BBOF1: variants seen among roughly 807,000 people sequenced by gnomAD.
BBOF1 encodes the protein basal body-orientation factor 1.
A neutral mutation model predicts 68.0 loss-of-function variants in BBOF1; 62 were observed. The observed-to-expected ratio is 0.91, with a 90% CI of 0.74 to 1.13. BBOF1 has a LOEUF of 1.13. Ranked by LOEUF, BBOF1 falls within the 50% of genes most tolerant of loss-of-function variation. The probability of loss-of-function intolerance (pLI) is 0.00; values close to 1 mark genes in which losing one functional copy is unlikely to be tolerated. For missense variants in BBOF1, 534 were observed against 600.1 expected, an observed-to-expected ratio of 0.89 and a Z score of 1.15; for synonymous variants, 208 against 198.8, an observed-to-expected ratio of 1.05 and a Z score of -0.39.
At position 74,034,067 on chromosome 14, in the gene BBOF1, C is replaced by G; in HGVS notation, c.391C>G (p.Gln131Glu). 1 of 1,607,726 alleles carries G rather than the reference C, an allele frequency of 6.2e-7. No individual in the cohort carries two copies. Among genetic ancestry groups the G allele is most frequent in the East Asian group, 2.3e-5 (1 of 44,298 alleles). The part of the protein sequence containing the change: ...YTRQINELEG[Q>E]FHQKAKEIGM... ...CAGGCAAATTAATGAACTAGAGGGACAGTTCCATCAAAAAGCCAAAGAAAT... is the reference window on the plus strand; with the variant it reads ...CAGGCAAATTAATGAACTAGAGGGAGAGTTCCATCAAAAAGCCAAAGAAAT... The change falls in exon 4 of 12, where the codon CAG (glutamine) becomes GAG (glutamate). Residue 131 changes from glutamine (Q) to glutamate (E), a missense_variant. Transcript: ENST00000394009.
intron 9 of BBOF1, among the ~76,000 whole-genome samples, chr14:74,073,712 T>G (rs1029676257): frequency 4.6e-5 from 7 of 151,624 alleles, no homozygotes; most frequent in Non-Finnish European, 1.0e-4. Context: ...AAGTCAGGAG[T>G]TCTAGACCAA....
rs113890148 is a variant in BBOF1, at chr14:74,027,449, T to C, written c.286-1735T>C. On this transcript the variant is annotated intron_variant, in intron 2 of 11. Coordinates refer to ENST00000394009, the MANE Select transcript of BBOF1 (RefSeq NM_025057.3). ...CAATTAATAAATTTCCAAGGAGTGA[T>C]GGAGTTAGAAAAATCACCATTTGGC... Among the ~76,000 whole-genome samples the C allele has an allele frequency of 6.9e-3, 980 of 141,906 alleles. 8 individuals are homozygous for C. Among genetic ancestry groups the C allele is most frequent in the African/African-American group, 0.023 (856 of 37,536 alleles). The allele number at this position is 141,906 out of a possible 152,430, so 93.1% of individuals were successfully genotyped here.
Position 74,043,551 on chromosome 14 carries a change from C to T in BBOF1, c.577-2509C>T, listed in dbSNP as rs1376915967. 8.2e-3 allele frequency among the ~76,000 whole-genome samples: 906 copies of T among 109,910 alleles called. 6 individuals carry two copies. Among genetic ancestry groups the T allele is most frequent in the African/African-American group, 0.028 (781 of 28,346 alleles). 72.1% of individuals were successfully genotyped at this position (109,910 alleles called of 152,430 possible). A position where few individuals can be genotyped will look rare whatever the true frequency, so the allele number is the denominator to read the frequency against. On this transcript the variant is annotated intron_variant, in intron 5 of 11. Coordinates refer to ENST00000394009, the MANE Select transcript of BBOF1 (RefSeq NM_025057.3). The stretch of plus-strand genomic sequence containing the variant: ...CGGCCTGGGCAACAGAGCGAGACTC[C>T]GTCTCAAAAAAAAAAAAAAAAAAAA...
In BBOF1 at chr14:74,050,117, A is replaced by T. The variant is rs1252158829; in HGVS notation, c.1208A>T (p.Tyr403Phe). ...GCAGCATGTACAGGAAGAACAGAAT[A>T]TCCCAAAATCAGAACATTTGATGGC... ...MRAACTGRTE[Y>F]PKIRTFDGRE... Residue 403 changes from tyrosine (Y) to phenylalanine (F), a missense_variant, in exon 8 of 12, where the codon TAT (tyrosine) becomes TTT (phenylalanine). Coordinates refer to ENST00000394009, the MANE Select transcript of BBOF1 (RefSeq NM_025057.3). The T allele has an allele frequency of 2.5e-6, 4 of 1,610,058 alleles. No individual in the cohort carries two copies. Among genetic ancestry groups the T allele is most frequent in the Non-Finnish European group, 3.4e-6 (4 of 1,177,568 alleles).
Position 74,055,592 on chromosome 14 carries a change from T to C in BBOF1, c.1295T>C (p.Ile432Thr). 1.2e-6 allele frequency: 2 copies of C among 1,611,654 alleles called. No homozygotes were observed. The highest frequency in any genetic ancestry group is 1.7e-6 in the Non-Finnish European group (2 of 1,178,160). The change falls in exon 9 of 12, where the codon ATT (isoleucine) becomes ACT (threonine). Residue 432 changes from isoleucine (I) to threonine (T), a missense_variant. Transcript: ENST00000394009. ...DLLEAEKWTH[I>T]EGNVDIGDLT... is the part of the protein sequence containing the mutation. ...CCTTTGAAATTCTTTAGGACACATATTGAAGGAAATGTGGATATTGGAGAT... is the reference window on the plus strand; with the variant it reads ...CCTTTGAAATTCTTTAGGACACATACTGAAGGAAATGTGGATATTGGAGAT...
At chr14:74,059,272 G>A (rs536188704) in intron 11 of BBOF1, 1 of 395,100 alleles carries the variant, frequency 2.5e-6, no homozygotes, top group Admixed American at 3.0e-5. Context: ...CAAGAGAAAA[G>A]AATATATAAA....
rs539420052 is a variant in BBOF1 at position 74,076,919 on chromosome 14, A to C, written n.1380-1277A>C. Among the ~76,000 whole-genome samples, 3 of 152,294 alleles carry C rather than the reference A, an allele frequency of 2.0e-5. No individual in the cohort carries two copies. In the South Asian group the frequency reaches 6.2e-4, roughly 32 times the overall value. On this transcript the variant is annotated intron_variant and non_coding_transcript_variant, in intron 9 of 12. Coordinates refer to the BBOF1 transcript ENST00000492026. ...TCAAAATGAGCAAACTAAAATACTC[A>C]GGACTGGGATATAAAGGAAAGCTGC...
In BBOF1 at chr14:74,034,318, G is replaced by A. The variant is rs947029978; in HGVS notation, c.495+147G>A. The stretch of plus-strand genomic sequence containing the variant: ...TATTTGAGAGAAAAAGGAGAAGACA[G>A]ACTGGATGCCAAAGGTCTTGACTTT... On this transcript the variant is annotated intron_variant, in intron 4 of 11. Transcript: ENST00000394009. 8 of 547,326 alleles carry A rather than the reference G, an allele frequency of 1.5e-5. No individual in the cohort carries two copies. The South Asian group carries it at 2.2e-4, about 15-fold the overall frequency. 33.9% of individuals were successfully genotyped at this position (547,326 alleles called of 1,614,324 possible).
downstream of BBOF1, chr14:74,067,366 A>C: frequency 6.2e-7 from 1 of 1,612,480 alleles, no homozygotes; most frequent in Non-Finnish European, 8.5e-7. Context: ...GGGGCAAGTC[A>C]GGTGATTGAT....
At chr14:74,038,628 T>C (rs1373283119) in intron 4 of BBOF1, among the ~76,000 whole-genome samples, 1 of 152,222 alleles carries the variant, frequency 6.6e-6, no homozygotes, top group African/African-American at 2.4e-5. Flanking sequence ...TTATACTGTG[T>C]ATGTAGAATT....
At chr14:74,074,415 T>C (rs1194729356) in intron 9 of BBOF1, among the ~76,000 whole-genome samples, 4 of 151,104 alleles carry the variant, frequency 2.6e-5, no homozygotes, top group Non-Finnish European at 5.9e-5. Context: ...GCCCGCAGAG[T>C]AGCTGGGACT....
intron 11 of BBOF1, chr14:74,057,504 G>A: frequency 7.2e-7 from 1 of 1,387,208 alleles, no homozygotes; most frequent in Non-Finnish European, 9.4e-7. Context: ...GCCTTTTGAA[G>A]TAAACAGCCT....
chr14:74,023,944 GAAA>G (rs2059365327), intron 2 of BBOF1, among the ~76,000 whole-genome samples: 1 of 139,462 alleles, frequency 7.2e-6, no homozygotes, highest in Non-Finnish European at 1.6e-5. Context: ...AAAAAAAAAA[GAAA>G]AGAAAAGAAA....
chr14:74,074,196 C>T (rs1282744136), intron 9 of BBOF1, among the ~76,000 whole-genome samples: 1 of 151,784 alleles, frequency 6.6e-6, no homozygotes, highest in Non-Finnish European at 1.5e-5. Context: ...AGGCTGGTCT[C>T]GAACTTTTGA....
chr14:74,065,907 G>A lies in BBOF1; in HGVS notation c.*1208G>A, dbSNP rs764050720. 4.4e-5 allele frequency: 7 copies of A among 160,694 alleles called. No homozygotes were observed. The highest frequency in any genetic ancestry group is 1.8e-4 in the East Asian group (1 of 5,572). The allele number at this position is 160,694 out of a possible 1,614,324, so 10.0% of individuals were successfully genotyped here. On this transcript the variant is annotated 3_prime_UTR_variant, in exon 12 of 12. Coordinates refer to ENST00000394009, the MANE Select transcript of BBOF1 (RefSeq NM_025057.3). ...CAATTAATGTTTGTTGCTGATAAAC[G>A]GATTTTTCTGTATGGTTCTGTGGCA... is the stretch of plus-strand genomic sequence containing the variant.
intron 9 of BBOF1, chr14:74,075,146 AT>A (rs1396761220): frequency 6.5e-6 from 5 of 771,326 alleles, no homozygotes; most frequent in Non-Finnish European, 1.1e-5. Flanking sequence ...CCATACAGTC[AT>A]TAAAGAGAAA....
chr14:74,064,505 G>A (rs1017231807), intron 11 of BBOF1, among the ~76,000 whole-genome samples, 183 bp from the exon 12 acceptor site: 15 of 152,038 alleles, frequency 9.9e-5, no homozygotes, highest in African/African-American at 3.6e-4. Flanking sequence ...AGTGAGACAT[G>A]ACAGATGATT....
intron 10 of BBOF1, among the ~76,000 whole-genome samples, chr14:74,080,025 G>A (rs2060655429): frequency 6.6e-6 from 1 of 151,938 alleles, no homozygotes; most frequent in South Asian, 2.1e-4. Flanking sequence ...GTGACAGAGC[G>A]AGACCCTATC....
chr14:74,066,464 T>C (rs1218368984), downstream of BBOF1, among the ~76,000 whole-genome samples: 1 of 152,178 alleles, frequency 6.6e-6, no homozygotes, highest in Non-Finnish European at 1.5e-5. Flanking sequence ...ACTATATCCC[T>C]GCAAAGCTGG....
Sources: allele counts gnomAD v4.1 joint callset (sites outside exome capture counted in the v4.1 genomes callset), GRCh38; gene constraint gnomAD v4.1.1; transcripts MANE v1.5; gene names NCBI Gene and HGNC (gene_info 2026-07-23, HGNC 2026-07-21).